The following FSTL5 variants were observed in gnomAD, a reference collection of about 807,000 sequenced individuals.
FSTL5 encodes the protein follistatin-related protein 5.
FSTL5 carries 62 observed loss-of-function variants against 89.1 expected under a neutral mutation model. The ratio of observed to expected loss-of-function variants is 0.70; its 90% CI spans 0.57 to 0.86. The LOEUF is 0.86. Ranked by LOEUF, FSTL5 falls within the 40% of genes least tolerant of loss-of-function variation. FSTL5 has a pLI of 0.00. For missense variants in FSTL5, 1,057 were observed against 1,001.6 expected (o/e 1.06, Z -0.75); for synonymous variants, 383 against 346.2 (o/e 1.11, Z -1.18).
intron 3 of FSTL5, among the ~76,000 whole-genome samples, chr4:161,925,535 T>C (rs1163983947): frequency 4.0e-5 from 6 of 151,876 alleles, no homozygotes; most frequent in Non-Finnish European, 7.4e-5. Context: ...AACTAGAACA[T>C]AGTAGGAACT....
At chr4:161,565,402 T>G (rs953434128) in intron 8 of FSTL5, among the ~76,000 whole-genome samples, 2 of 151,902 alleles carry the variant, frequency 1.3e-5, no homozygotes. Context: ...TATATTGAAA[T>G]AAATACATAT....
At chr4:161,750,425 T>C (rs1201913135) in intron 6 of FSTL5, among the ~76,000 whole-genome samples, 1 of 152,174 alleles carries the variant, frequency 6.6e-6, no homozygotes, top group Non-Finnish European at 1.5e-5. Context: ...TTAATGCTCA[T>C]ATTGGTATGA....
chr4:161,720,502 A>C (rs758186695), intron 6 of FSTL5, among the ~76,000 whole-genome samples: 2 of 152,118 alleles, frequency 1.3e-5, no homozygotes, highest in Non-Finnish European at 2.9e-5. Context: ...TAGCAATCCC[A>C]CTTCTCAGTA....
intron 4 of FSTL5, among the ~76,000 whole-genome samples, chr4:161,829,531 T>G (rs1022296587): frequency 4.6e-5 from 7 of 152,042 alleles, no homozygotes; most frequent in African/African-American, 1.4e-4. Context: ...ATCATTTCAC[T>G]TCAAAATTGT....
chr4:161,722,649 A>C (rs533269703), intron 6 of FSTL5, among the ~76,000 whole-genome samples: 2 of 152,286 alleles, frequency 1.3e-5, no homozygotes, highest in South Asian at 2.1e-4. Context: ...TGTGGCACTT[A>C]ACTAGCTATT....
At chr4:161,903,237 C>G (rs1372546700) in intron 4 of FSTL5, among the ~76,000 whole-genome samples, 1 of 151,960 alleles carries the variant, frequency 6.6e-6, no homozygotes, top group African/African-American at 2.4e-5. Flanking sequence ...TCTTTTAGCA[C>G]ATTTTAAAAG....
intron 8 of FSTL5, among the ~76,000 whole-genome samples, chr4:161,545,590 G>A (rs1731976271): frequency 6.6e-6 from 1 of 151,894 alleles, no homozygotes; most frequent in South Asian, 2.1e-4. Flanking sequence ...GCTGATTCTG[G>A]TAGGCAGCCT....
chr4:162,044,110 T>C (rs185266121), intron 2 of FSTL5, among the ~76,000 whole-genome samples: 245 of 152,312 alleles, frequency 1.6e-3, no homozygotes, highest in African/African-American at 5.7e-3. Context: ...CAGAAGGTTT[T>C]TAATTTACTT....
chr4:161,718,104 A>G (rs1739056815), intron 6 of FSTL5, among the ~76,000 whole-genome samples: 1 of 152,172 alleles, frequency 6.6e-6, no homozygotes, highest in Admixed American at 6.5e-5. Context: ...TTGTAAAAAT[A>G]TAAATTTTGA....
intron 5 of FSTL5, among the ~76,000 whole-genome samples, chr4:161,764,245 C>A (rs1276506819): frequency 6.6e-6 from 1 of 152,112 alleles, no homozygotes; most frequent in East Asian, 1.9e-4. Flanking sequence ...TGCTATCCTA[C>A]AAGAGATGTA....
rs1741496049 is a variant in FSTL5 at position 161,778,337 on chromosome 4, A to AT, written c.410-2264dup. ...CATAATAGGTTTTATGTTAGTTGAG[A>AT]TTTTTTATAACATATTTTTAGGAAA... On this transcript the variant is annotated intron_variant, in intron 4 of 15. Transcript: ENST00000306100. Among the ~76,000 whole-genome samples the AT allele has an allele frequency of 3.9e-5, 6 of 152,296 alleles. No individual in the cohort carries two copies. In the South Asian group the frequency reaches 1.0e-3, roughly 26 times the overall value.
At chr4:162,023,822 G>A (rs1291720793) in intron 3 of FSTL5, among the ~76,000 whole-genome samples, 1 of 152,112 alleles carries the variant, frequency 6.6e-6, no homozygotes, top group Non-Finnish European at 1.5e-5. Context: ...CATAGGGGAA[G>A]ACTTTTCCCC....
intron 6 of FSTL5, among the ~76,000 whole-genome samples, chr4:161,730,996 A>G (rs1205661723): frequency 1.3e-5 from 2 of 152,236 alleles, no homozygotes; most frequent in Non-Finnish European, 2.9e-5. Context: ...ATAAATTAAC[A>G]TTTAAGATTA....
intron 2 of FSTL5, among the ~76,000 whole-genome samples, chr4:162,050,362 A>C (rs1182207138): frequency 6.6e-6 from 1 of 151,362 alleles, no homozygotes. Context: ...AATATTTTAA[A>C]ATTAGTAATT....
chr4:162,081,280 A>T (rs1380094173), intron 2 of FSTL5, among the ~76,000 whole-genome samples: 2 of 151,618 alleles, frequency 1.3e-5, no homozygotes, highest in African/African-American at 4.8e-5. Context: ...CAGAACTGAC[A>T]CAATATAATG....
intron 6 of FSTL5, among the ~76,000 whole-genome samples, chr4:161,753,369 T>G (rs1560826176): frequency 6.6e-6 from 1 of 152,206 alleles, no homozygotes; most frequent in Non-Finnish European, 1.5e-5. Flanking sequence ...TTGGGCATTA[T>G]CCTTGACTCA....
chr4:161,970,654 A>G (rs1043822650), intron 3 of FSTL5, among the ~76,000 whole-genome samples: 3 of 152,148 alleles, frequency 2.0e-5, no homozygotes, highest in Non-Finnish European at 4.4e-5. Context: ...CATTCTGCAC[A>G]AAAACTCTCT....
At chr4:161,715,578 C>T (rs963398809) in intron 6 of FSTL5, among the ~76,000 whole-genome samples, 34 of 152,082 alleles carry the variant, frequency 2.2e-4, no homozygotes, top group African/African-American at 8.2e-4. Flanking sequence ...CATGGTTTAT[C>T]ACCCGTAAAA....
At chr4:161,796,697 C>A (rs1729642147) in intron 4 of FSTL5, among the ~76,000 whole-genome samples, 1 of 151,232 alleles carries the variant, frequency 6.6e-6, no homozygotes, top group Non-Finnish European at 1.5e-5. Flanking sequence ...AATGTATGTG[C>A]TCTCTTTTGC....
Sources: gnomAD v4.1 joint callset for allele counts (sites outside exome capture counted in the v4.1 genomes callset) on GRCh38, gnomAD v4.1.1 for gene constraint, MANE v1.5 for transcripts, NCBI Gene and HGNC (gene_info 2026-07-23, HGNC 2026-07-21) for gene names.